FOXO1: variants seen among roughly 807,000 people sequenced by gnomAD.
The protein encoded by FOXO1 is forkhead box O1.
A neutral mutation model predicts 44.1 loss-of-function variants in FOXO1; 6 were observed. That is an observed-to-expected ratio of 0.14 (90% CI 0.07 to 0.27). The LOEUF (loss-of-function observed/expected upper bound fraction) is 0.27, where lower values mean the gene tolerates loss of function less well. Ranked by LOEUF, FOXO1 falls within the 10% of genes least tolerant of loss-of-function variation. FOXO1 has a pLI of 1.00. For synonymous variants in FOXO1, 380 were observed against 362.7 expected (o/e 1.05, Z -0.54); for missense variants, 737 against 888.8 (o/e 0.83, Z 2.17).
chr13:40,641,433 T>A (rs1260390029), intron 1 of FOXO1, among the ~76,000 whole-genome samples: 1 of 151,204 alleles, frequency 6.6e-6, no homozygotes, highest in African/African-American at 2.4e-5. Flanking sequence ...TATATATATA[T>A]CATTATATAT....
At chr13:40,624,384 C>T (rs1303960967) in intron 1 of FOXO1, among the ~76,000 whole-genome samples, 6 of 145,506 alleles carry the variant, frequency 4.1e-5, no homozygotes, top group Non-Finnish European at 9.0e-5. Flanking sequence ...TATGTTACTA[C>T]AGGAGTTTCA....
At chr13:40,565,732 G>A (rs902526866) in intron 1 of FOXO1, among the ~76,000 whole-genome samples, 3 of 152,166 alleles carry the variant, frequency 2.0e-5, no homozygotes, top group South Asian at 2.1e-4. Context: ...GATAGTATGC[G>A]TGGAAAGGCT....
At chr13:40,640,760 T>C (rs891248535) in intron 1 of FOXO1, among the ~76,000 whole-genome samples, 1 of 106,798 alleles carries the variant, frequency 9.4e-6, no homozygotes, top group East Asian at 4.2e-4. Context: ...TTATTTCTTT[T>C]GTTGTTGTTG....
At chr13:40,646,384 T>C (rs1877511965) in intron 1 of FOXO1, among the ~76,000 whole-genome samples, 2 of 150,568 alleles carry the variant, frequency 1.3e-5, no homozygotes, top group Admixed American at 6.7e-5. Flanking sequence ...GGTTTCACCA[T>C]ATTGGCCAGG....
intron 1 of FOXO1, among the ~76,000 whole-genome samples, chr13:40,627,514 A>T (rs1234781536): frequency 1.3e-5 from 2 of 152,188 alleles, no homozygotes; most frequent in Non-Finnish European, 2.9e-5. Flanking sequence ...AAACTGGAAC[A>T]TGAAATAAAA....
intron 1 of FOXO1, among the ~76,000 whole-genome samples, chr13:40,617,446 AAAAG>A (rs1322409457): frequency 5.3e-5 from 8 of 152,168 alleles, no homozygotes; most frequent in Non-Finnish European, 8.8e-5. Context: ...AAAAAAAAAA[AAAAG>A]AAAGGTGAAA....
intron 1 of FOXO1, among the ~76,000 whole-genome samples, chr13:40,575,499 A>G (rs1368812702): frequency 6.6e-6 from 1 of 152,234 alleles, no homozygotes; most frequent in African/African-American, 2.4e-5. Flanking sequence ...TTGGGAATAC[A>G]AACCAAAGAT....
At chr13:40,579,994 T>C (rs1193110920) in intron 1 of FOXO1, among the ~76,000 whole-genome samples, 1 of 152,236 alleles carries the variant, frequency 6.6e-6, no homozygotes, top group Non-Finnish European at 1.5e-5. Flanking sequence ...TTACTTCTTT[T>C]ACAAGACAAT....
Position 40,666,240 on chromosome 13 carries a change from A to T in FOXO1, c.-28T>A. The T allele has an allele frequency of 7.3e-7, 1 of 1,372,676 alleles. No individual in the cohort carries two copies. The highest frequency in any genetic ancestry group is 9.4e-7 in the Non-Finnish European group (1 of 1,063,266). 85.0% of individuals were successfully genotyped at this position (1,372,676 alleles called of 1,614,324 possible). A position where few individuals can be genotyped will look rare whatever the true frequency, so the allele number is the denominator to read the frequency against. Reference sequence around the variant, plus strand: ...TGACCCCCGCCCCTCCCCCAGCCGCAGGAGAGCCAAGAGGGGGAGAACGCA... The same window carrying T: ...TGACCCCCGCCCCTCCCCCAGCCGCTGGAGAGCCAAGAGGGGGAGAACGCA... On this transcript the variant is annotated 5_prime_UTR_variant, in exon 1 of 3. Coordinates refer to ENST00000379561, the MANE Select transcript of FOXO1 (RefSeq NM_002015.4).
At chr13:40,565,571 A>G (rs1219345065) in intron 1 of FOXO1, among the ~76,000 whole-genome samples, 1 of 152,062 alleles carries the variant, frequency 6.6e-6, no homozygotes, top group Non-Finnish European at 1.5e-5. Context: ...ACTTCCCACT[A>G]CACTGTGAGC....
intron 1 of FOXO1, chr13:40,620,089 T>C (rs1876557846): frequency 2.8e-6 from 3 of 1,058,912 alleles, no homozygotes; most frequent in African/African-American, 1.6e-5. Context: ...TCAAGTCTTT[T>C]TAGAGCAAGA....
At chr13:40,627,044 C>T (rs1012058898) in intron 1 of FOXO1, among the ~76,000 whole-genome samples, 2 of 152,212 alleles carry the variant, frequency 1.3e-5, no homozygotes, top group Non-Finnish European at 2.9e-5. Context: ...AACCTCCCTG[C>T]TCTTTATTTA....
chr13:40,612,464 T>TTG (rs1403847953), intron 1 of FOXO1, among the ~76,000 whole-genome samples: 1 of 152,212 alleles, frequency 6.6e-6, no homozygotes, highest in Non-Finnish European at 1.5e-5. Flanking sequence ...CAGAAGAGAC[T>TTG]TGTGTGTGTG....
chr13:40,623,266 C>T (rs1222768555), intron 1 of FOXO1, among the ~76,000 whole-genome samples: 2 of 151,242 alleles, frequency 1.3e-5, no homozygotes, highest in Non-Finnish European at 3.0e-5. Context: ...TGAACACAGG[C>T]TTTTTTTTTC....
At chr13:40,654,324 A>T (rs1342218263) in intron 1 of FOXO1, among the ~76,000 whole-genome samples, 1 of 18,774 alleles carries the variant, frequency 5.3e-5, no homozygotes, top group Non-Finnish European at 1.4e-4. Context: ...AAAAATACTA[A>T]AAAAAAAAAA....
rs189978018 is a variant in FOXO1 at position 40,658,035 on chromosome 13, C to T, written c.630+7548G>A. On this transcript the variant is annotated intron_variant, in intron 1 of 2. Coordinates refer to ENST00000379561, the MANE Select transcript of FOXO1 (RefSeq NM_002015.4). ...AATGTAACTGAGAAGCCAAGACATA[C>T]AGACATTAAAGTTAAATTATATATA... 3.3e-3 allele frequency among the ~76,000 whole-genome samples: 499 copies of T among 152,228 alleles called. 12 individuals are homozygous for T. The highest frequency in any genetic ancestry group is 0.03 in the Admixed American group (459 of 15,280).
At chr13:40,596,417 G>A (rs983811289) in intron 1 of FOXO1, among the ~76,000 whole-genome samples, 2 of 152,208 alleles carry the variant, frequency 1.3e-5, no homozygotes, top group African/African-American at 4.8e-5. Flanking sequence ...TACAGCCTTT[G>A]TGGGCTACTC....
chr13:40,613,245 G>C (rs1178815067), intron 1 of FOXO1, among the ~76,000 whole-genome samples: 2 of 152,108 alleles, frequency 1.3e-5, no homozygotes, highest in African/African-American at 4.8e-5. Context: ...GTCTCTGTAA[G>C]AACAGCTATA....
intron 1 of FOXO1, among the ~76,000 whole-genome samples, chr13:40,636,918 T>A (rs1048102092): frequency 1.3e-5 from 2 of 152,224 alleles, no homozygotes; most frequent in East Asian, 3.8e-4. Context: ...TTTTCCTGAA[T>A]ACTATGCGCT....
Sources: allele counts gnomAD v4.1 joint callset (sites outside exome capture counted in the v4.1 genomes callset), GRCh38; gene constraint gnomAD v4.1.1; transcripts MANE v1.5; gene names NCBI Gene and HGNC (gene_info 2026-07-23, HGNC 2026-07-21).